CREBZF: variants seen among roughly 807,000 people sequenced by gnomAD.
The protein encoded by CREBZF is CREB/ATF bZIP transcription factor, also known as HCF-binding transcription factor Zhangfei.
Under a neutral mutation model 21.1 loss-of-function variants are expected in CREBZF, and 8 were observed. The observed-to-expected ratio is 0.38, with a 90% CI of 0.22 to 0.68. CREBZF has a LOEUF of 0.68. CREBZF is among the 30% of genes least tolerant of loss of function. CREBZF has a pLI of 0.51. For synonymous variants in CREBZF, 270 were observed against 223.3 expected (o/e 1.21, Z -1.86); for missense variants, 518 against 484.3 (o/e 1.07, Z -0.65).
intron 1 of CREBZF, among the ~76,000 whole-genome samples, chr11:85,670,279 C>A (rs1441005520): frequency 5.8e-5 from 7 of 121,080 alleles, no homozygotes; most frequent in East Asian, 2.7e-4. Context: ...ATCCCCCCCC[C>A]CCACAATAAG....
Position 85,664,836 on chromosome 11 carries a change from T to G in CREBZF, c.40A>C (p.Ser14Arg). 6.5e-7 allele frequency: 1 copy of G among 1,530,540 alleles called. No individual in the cohort carries two copies. The highest frequency in any genetic ancestry group is 8.7e-7 in the Non-Finnish European group (1 of 1,144,268). 94.8% of individuals were successfully genotyped at this position (1,530,540 alleles called of 1,614,324 possible). ...CTCTCACTGCGGGTTGGGGAGTTGCTGCCCGAGGCTGCCAGCAGCTTGGTC... is the reference window on the plus strand; with the variant it reads ...CTCTCACTGCGGGTTGGGGAGTTGCGGCCCGAGGCTGCCAGCAGCTTGGTC... ...SLTKLLAASG[S>R]NSPTRSESPE... Residue 14 changes from serine (S) to arginine (R), a missense_variant, in exon 1 of 1, where the codon AGC (serine) becomes CGC (arginine). Transcript: ENST00000527447. This position sits in a 1 kb window ranked among gnomAD's most constrained non-coding sequence, Gnocchi z 5.5.
Position 85,663,425 on chromosome 11 carries a change from A to G in CREBZF, c.*386T>C. On this transcript the variant is annotated 3_prime_UTR_variant, in exon 1 of 1. Coordinates refer to ENST00000527447, the MANE Select transcript of CREBZF (RefSeq NM_001039618.4). ...TTTCCCTCCCACCTTCCAAAACAGA[A>G]AAAAAAAAAAAAATCACACACACAC... The G allele has an allele frequency of 1.1e-5, 6 of 542,384 alleles. No individual in the cohort carries two copies. The highest frequency in any genetic ancestry group is 2.8e-4 in the Middle Eastern group (1 of 3,550). 33.6% of individuals were successfully genotyped at this position (542,384 alleles called of 1,614,324 possible).
chr11:85,658,140 AAAGT>A lies in CREBZF; in HGVS notation c.*5667_*5670del, dbSNP rs1267918460. Among the ~76,000 whole-genome samples, 1 of 152,002 alleles carries A rather than the reference AAAGT, an allele frequency of 6.6e-6. No individual in the cohort carries two copies. ...TCCCAGTGAAAAAAACAATGAATTA[AAAGT>A]AATTTCTGGCGTTAACCCAAGTACC... On this transcript the variant is annotated 3_prime_UTR_variant, in exon 1 of 1. Transcript: ENST00000527447.
At chr11:85,676,408 A>G (rs1004792838) in intron 1 of CREBZF, among the ~76,000 whole-genome samples, 1 of 152,072 alleles carries the variant, frequency 6.6e-6, no homozygotes, top group African/African-American at 2.4e-5. Context: ...GAACCCCAAA[A>G]CTTTAAAAAT....
chr11:85,674,563 C>T (rs2082930929), intron 1 of CREBZF, among the ~76,000 whole-genome samples: 1 of 152,202 alleles, frequency 6.6e-6, no homozygotes, highest in Non-Finnish European at 1.5e-5. Flanking sequence ...ACTTAAAAGT[C>T]ACCAGCTGCA....
At chr11:85,681,374 A>G (rs2082975816) in intron 1 of CREBZF, among the ~76,000 whole-genome samples, 1 of 152,220 alleles carries the variant, frequency 6.6e-6, no homozygotes, top group African/African-American at 2.4e-5. Context: ...CAGGTTGACA[A>G]AGATTTTCTA....
upstream of CREBZF, among the ~76,000 whole-genome samples, chr11:85,668,253 C>T (rs756780853): frequency 2.6e-5 from 4 of 152,114 alleles, no homozygotes; most frequent in Non-Finnish European, 5.9e-5. Flanking sequence ...CTTTAGAAGA[C>T]TTTCCAAGTT....
At chr11:85,682,801 C>T (rs1044828797) in exon 1 of CREBZF, 1 of 701,876 alleles carries the variant, frequency 1.4e-6, no homozygotes, top group Non-Finnish European at 2.6e-6. Flanking sequence ...AAACTTAGGC[C>T]CCAAGGATTA....
intron 1 of CREBZF, chr11:85,682,596 C>CTCT: frequency 2.1e-6 from 1 of 472,966 alleles, no homozygotes; most frequent in African/African-American, 2.8e-5. Flanking sequence ...GCCCCTACCC[C>CTCT]CTGCCCTACT....
Position 85,661,319 on chromosome 11 carries a change from A to G in CREBZF, c.*2492T>C, listed in dbSNP as rs622406. ...AAAATGACAAAATCACTAAGTCACC[A>G]AAACTAGAAAAAAAAAAATGAAATG... is the stretch of plus-strand genomic sequence containing the variant. On this transcript the variant is annotated 3_prime_UTR_variant, in exon 1 of 1. Coordinates refer to ENST00000527447, the MANE Select transcript of CREBZF (RefSeq NM_001039618.4). The G allele has an allele frequency of 6.6e-6, 1 of 152,522 alleles. No homozygotes were observed. The highest frequency in any genetic ancestry group is 1.5e-5 in the Non-Finnish European group (1 of 67,974). The allele number at this position is 152,522 out of a possible 1,614,324, so 9.4% of individuals were successfully genotyped here.
rs1591490852 is a variant in CREBZF, at chr11:85,674,065, A to C, written n.147+8652T>G. On this transcript the variant is annotated intron_variant and non_coding_transcript_variant, in intron 1 of 3. Transcript: ENST00000531515. The stretch of plus-strand genomic sequence containing the variant: ...TCTTGAATCCTTCTAAGTCATCCAT[A>C]AAGGATGGAATCCTCTTCCAAACTT... 2.0e-5 allele frequency among the ~76,000 whole-genome samples: 3 copies of C among 152,212 alleles called. No individual in the cohort carries two copies. The East Asian group carries it at 5.8e-4, about 29-fold the overall frequency.
chr11:85,660,812 A>G lies in CREBZF; in HGVS notation c.*2999T>C, dbSNP rs2082652027. 3.9e-6 allele frequency: 1 copy of G among 256,104 alleles called. No individual in the cohort carries two copies. Among genetic ancestry groups the G allele is most frequent in the East Asian group, 1.3e-4 (1 of 7,656 alleles). The allele number at this position is 256,104 out of a possible 1,614,324, so 15.9% of individuals were successfully genotyped here. ...AAAATATGATGTGTTAGTTCAATTA[A>G]TGTATGAACTCCTGCCACCATCAAA... On this transcript the variant is annotated 3_prime_UTR_variant, in exon 1 of 1. Transcript: ENST00000527447.
chr11:85,669,998 G>A (rs1400741203), upstream of CREBZF, among the ~76,000 whole-genome samples: 2 of 151,946 alleles, frequency 1.3e-5, no homozygotes, highest in African/African-American at 4.8e-5. Flanking sequence ...TAGTAGAGAC[G>A]GGGTTTCACC....
chr11:85,664,493 C>A lies in CREBZF; in HGVS notation c.383G>T (p.Gly128Val). Residue 128 changes from glycine (G) to valine (V), a missense_variant, in exon 1 of 1, where the codon GGG becomes GTG. Around this residue, in one of 3 missense-constraint regions of CREBZF, gnomAD observed 396 missense variants for 324.4 expected, o/e 1.22. Coordinates refer to ENST00000527447, the MANE Select transcript of CREBZF (RefSeq NM_001039618.4). This position sits in a 1 kb window ranked among gnomAD's most constrained non-coding sequence, Gnocchi z 5.5. ...GCCTCCGCCAGACGAGGAGAGAGGC[C>A]CCGGCGAGCTAAGCCCGGGGTCCAG... is the stretch of plus-strand genomic sequence containing the variant. The part of the protein sequence containing the change: ...WHLDPGLSSP[G>V]PLSSSGGGSD... The A allele has an allele frequency of 6.2e-7, 1 of 1,613,628 alleles. No individual in the cohort carries two copies. Among genetic ancestry groups the A allele is most frequent in the South Asian group, 1.1e-5 (1 of 91,054 alleles).
chr11:85,676,943 TGTAAA>T (rs1469112229), intron 1 of CREBZF, among the ~76,000 whole-genome samples: 1 of 150,396 alleles, frequency 6.6e-6, no homozygotes, highest in Non-Finnish European at 1.5e-5. Flanking sequence ...TATGCCTGCC[TGTAAA>T]GTAATTTTTT....
intron 1 of CREBZF, among the ~76,000 whole-genome samples, chr11:85,681,537 C>G (rs1437803148): frequency 6.6e-6 from 1 of 152,124 alleles, no homozygotes; most frequent in African/African-American, 2.4e-5. Context: ...CAGACAAGTT[C>G]CTTAGGGCAC....
intron 1 of CREBZF, among the ~76,000 whole-genome samples, chr11:85,677,371 T>C (rs1479542444): frequency 6.6e-6 from 1 of 152,242 alleles, no homozygotes; most frequent in East Asian, 1.9e-4. Flanking sequence ...AAAATGTCTG[T>C]CTACAGATGA....
chr11:85,658,141 A>G lies in CREBZF; in HGVS notation c.*5670T>C, dbSNP rs2082569714. Among the ~76,000 whole-genome samples the G allele has an allele frequency of 6.6e-6, 1 of 152,004 alleles. No homozygotes were observed. The highest frequency in any genetic ancestry group is 1.5e-5 in the Non-Finnish European group (1 of 67,864). ...CCCAGTGAAAAAAACAATGAATTAA[A>G]AGTAATTTCTGGCGTTAACCCAAGT... On this transcript the variant is annotated 3_prime_UTR_variant, in exon 1 of 1. Transcript: ENST00000527447.
upstream of CREBZF, among the ~76,000 whole-genome samples, chr11:85,668,829 C>A (rs1395312381): frequency 6.7e-6 from 1 of 150,126 alleles, no homozygotes; most frequent in East Asian, 1.9e-4. Context: ...GGTGAAACCC[C>A]GTCTCTACTA....
Sources: gnomAD v4.1 joint callset for allele counts (sites outside exome capture counted in the v4.1 genomes callset) on GRCh38, gnomAD v4.1.1 for gene constraint, gnomAD v4.1.1 regional missense constraint, Gnocchi (gnomAD v3.1) non-coding constraint, MANE v1.5 for transcripts, NCBI Gene and HGNC (gene_info 2026-07-23, HGNC 2026-07-21) for gene names.